The following ADGRL2 variants were observed in gnomAD, a reference collection of about 807,000 sequenced individuals.
The protein encoded by ADGRL2 is calcium-independent alpha-latrotoxin receptor 2.
ADGRL2 carries 44 observed loss-of-function variants against 157.4 expected under a neutral mutation model. That is an observed-to-expected ratio of 0.28 (90% CI 0.22 to 0.36). ADGRL2 has a LOEUF of 0.36. ADGRL2 is among the 10% of genes least tolerant of loss of function. ADGRL2 has a pLI of 1.00. For missense variants in ADGRL2, 1,510 were observed against 1,768.9 expected (o/e 0.85, Z 2.63); for synonymous variants, 585 against 624.7 (o/e 0.94, Z 0.95).
At chr1:81,879,214 A>G (rs567495260) in intron 2 of ADGRL2, among the ~76,000 whole-genome samples, 39 of 152,328 alleles carry the variant, frequency 2.6e-4, no homozygotes, top group Non-Finnish European at 4.6e-4. Flanking sequence ...GGAGCCCCAC[A>G]TGATTGGGAA....
At chr1:81,950,107 C>T (rs994530807) in intron 6 of ADGRL2, 82 bp from the exon 7 acceptor site, 10 of 1,100,886 alleles carry the variant, frequency 9.1e-6, no homozygotes, top group African/African-American at 7.8e-5. Context: ...TGTGTGTGTG[C>T]ATGCACACAT....
intron 3 of ADGRL2, among the ~76,000 whole-genome samples, chr1:81,644,676 A>G (rs2082280337): frequency 6.6e-6 from 1 of 152,200 alleles, no homozygotes; most frequent in Admixed American, 6.5e-5. Flanking sequence ...GTACAAAATC[A>G]AGAGTGAACC....
At chr1:81,397,313 CTTTTTTTTTT>C (rs59449077) in intron 1 of ADGRL2, among the ~76,000 whole-genome samples, 2 of 53,616 alleles carry the variant, frequency 3.7e-5, no homozygotes, top group Non-Finnish European at 6.6e-5. Context: ...ATAATGTCTC[CTTTTTTTTTT>C]TTTTTTTTTT....
chr1:81,780,024 G>C (rs17107180), intron 2 of ADGRL2, among the ~76,000 whole-genome samples: 23,117 of 152,098 alleles, frequency 0.15, 1,987 homozygotes, highest in African/African-American at 0.22. Flanking sequence ...GAAAAGCATC[G>C]TATCTTTCCT....
At chr1:81,987,226 G>A in intron 22 of ADGRL2, 197 bp downstream of exon 22, 2 of 1,404,336 alleles carry the variant, frequency 1.4e-6, no homozygotes, top group Non-Finnish European at 2.0e-6. Context: ...AGTCATGATA[G>A]TATTTACAAT....
chr1:81,683,487 G>C (rs2083162585), intron 3 of ADGRL2, among the ~76,000 whole-genome samples: 1 of 152,056 alleles, frequency 6.6e-6, no homozygotes, highest in South Asian at 2.1e-4. Flanking sequence ...CATCATCATT[G>C]TTATGCCTTT....
At chr1:81,491,744 T>TG (rs1557731464) in intron 2 of ADGRL2, among the ~76,000 whole-genome samples, 1 of 152,160 alleles carries the variant, frequency 6.6e-6, no homozygotes, top group Non-Finnish European at 1.5e-5. Flanking sequence ...TCTACGGTGG[T>TG]GGGTGCTGCT....
chr1:81,862,777 A>C (rs1056185525), intron 2 of ADGRL2, among the ~76,000 whole-genome samples: 1 of 152,162 alleles, frequency 6.6e-6, no homozygotes, highest in Admixed American at 6.5e-5. Context: ...TCTCCCATGC[A>C]CTGAAACACA....
At chr1:81,492,185 TAACA>T (rs1363696806) in intron 2 of ADGRL2, among the ~76,000 whole-genome samples, 1 of 152,204 alleles carries the variant, frequency 6.6e-6, no homozygotes, top group East Asian at 1.9e-4. Flanking sequence ...TTTTTCAGTC[TAACA>T]TTTTTATTTT....
chr1:81,669,344 G>A (rs1291200079), intron 3 of ADGRL2, among the ~76,000 whole-genome samples: 1 of 152,066 alleles, frequency 6.6e-6, no homozygotes, highest in African/African-American at 2.4e-5. Flanking sequence ...GAGCCCAGGA[G>A]CTCAATGCTG....
At chr1:81,578,663 T>C (rs2080844506) in intron 2 of ADGRL2, among the ~76,000 whole-genome samples, 1 of 152,132 alleles carries the variant, frequency 6.6e-6, no homozygotes, top group African/African-American at 2.4e-5. Context: ...AGAATGATAG[T>C]ATTTAAAAAA....
chr1:81,833,045 C>T (rs1487910777), intron 1 of ADGRL2, among the ~76,000 whole-genome samples: 1 of 152,108 alleles, frequency 6.6e-6, no homozygotes, highest in Non-Finnish European at 1.5e-5. Context: ...TTAGTGTCAT[C>T]CTTTTTTGTG....
intron 1 of ADGRL2, among the ~76,000 whole-genome samples, chr1:81,410,250 C>T (rs1222382572): frequency 6.6e-6 from 1 of 152,114 alleles, no homozygotes; most frequent in African/African-American, 2.4e-5. Flanking sequence ...TTGCTATCTA[C>T]CTTTAAAAAG....
At chr1:81,903,031 T>C (rs556200355) in intron 2 of ADGRL2, among the ~76,000 whole-genome samples, 1 of 152,338 alleles carries the variant, frequency 6.6e-6, no homozygotes, top group East Asian at 1.9e-4. Context: ...GTGTACTTGA[T>C]TAAAAGGAGC....
rs775930190 is a variant in ADGRL2 at position 81,909,470 on chromosome 1, C to T, written c.287+2240C>T. Among the ~76,000 whole-genome samples the T allele has an allele frequency of 3.9e-5, 6 of 152,060 alleles. No homozygotes were observed. The East Asian group carries it at 9.6e-4, about 24-fold the overall frequency. On this transcript the variant is annotated intron_variant, in intron 3 of 23. Transcript: ENST00000686636. ...GTATAGAATTCCTTGTATCCTTCAA[C>T]GAATTATAGGTAAAATATCTTTTTA...
intron 1 of ADGRL2, among the ~76,000 whole-genome samples, chr1:81,388,491 G>A (rs1323999387): frequency 6.6e-6 from 1 of 151,988 alleles, no homozygotes; most frequent in African/African-American, 2.4e-5. Flanking sequence ...GATTACTATG[G>A]TCTGAATGTT....
chr1:81,848,855 A>G (rs2092899952), intron 2 of ADGRL2, among the ~76,000 whole-genome samples: 1 of 151,952 alleles, frequency 6.6e-6, no homozygotes, highest in Admixed American at 6.6e-5. Context: ...AAGAATTGTA[A>G]CTCTTACTAT....
chr1:81,659,390 G>A (rs1191407567), intron 3 of ADGRL2, among the ~76,000 whole-genome samples: 1 of 152,026 alleles, frequency 6.6e-6, no homozygotes, highest in Non-Finnish European at 1.5e-5. Flanking sequence ...AAGCAGTAAT[G>A]GATATTTGTT....
At chr1:81,333,627 A>G (rs1308850212) in intron 1 of ADGRL2, among the ~76,000 whole-genome samples, 1 of 152,056 alleles carries the variant, frequency 6.6e-6, no homozygotes, top group East Asian at 1.9e-4. Flanking sequence ...CATCTTGGCC[A>G]GGCTGGTCTT....
Sources: allele counts gnomAD v4.1 joint callset (sites outside exome capture counted in the v4.1 genomes callset), GRCh38; gene constraint gnomAD v4.1.1; transcripts MANE v1.5; gene names NCBI Gene and HGNC (gene_info 2026-07-23, HGNC 2026-07-21).